Variants in AFF2 observed in about 807,000 individuals in gnomAD.
AFF2 encodes the protein ALF transcription elongation factor 2.
AFF2 carries 14 observed loss-of-function variants against 76.9 expected under a neutral mutation model. That is an observed-to-expected ratio of 0.18 (90% CI 0.12 to 0.28). AFF2 has a LOEUF of 0.28. Among genes scored for constraint, AFF2 ranks in the 10% least tolerant of loss-of-function variants. The pLI, the probability that AFF2 is intolerant of heterozygous loss-of-function variation, is 1.00. For missense variants in AFF2, 868 were observed against 1,001.1 expected, an observed-to-expected ratio of 0.87 and a Z score of 1.79; for synonymous variants, 398 against 366.7, an observed-to-expected ratio of 1.09 and a Z score of -0.98.
At chrX:148,960,529 A>C (rs2072096848) in intron 12 of AFF2, among the ~76,000 whole-genome samples, 1 of 112,617 alleles carries the variant, frequency 8.9e-6, no homozygotes, top group African/African-American at 3.2e-5. Flanking sequence ...CAAACAGATG[A>C]GTTTTCTCTG....
intron 3 of AFF2, among the ~76,000 whole-genome samples, chrX:148,738,242 G>A (rs1557265288): frequency 5.4e-5 from 6 of 110,936 alleles, no homozygotes; most frequent in Non-Finnish European, 3.8e-5. Flanking sequence ...GAATCCGTCT[G>A]GTCCTGGACT....
chrX:148,825,698 G>A (rs368407749), intron 4 of AFF2, among the ~76,000 whole-genome samples: 1 of 100,411 alleles, frequency 1.0e-5, no homozygotes, highest in Non-Finnish European at 2.0e-5. Context: ...GTTGGTTTTT[G>A]TCAGCTGTAT....
chrX:148,719,264 C>T (rs1226984515), intron 3 of AFF2: 17 of 1,063,110 alleles, frequency 1.6e-5, no homozygotes, highest in Non-Finnish European at 2.0e-5. Flanking sequence ...AGAAGGTCTA[C>T]AATCAGCCAA....
intron 16 of AFF2, among the ~76,000 whole-genome samples, chrX:148,976,877 T>C (rs2072332158): frequency 8.9e-6 from 1 of 112,604 alleles, no homozygotes; most frequent in African/African-American, 3.2e-5. Flanking sequence ...CCACGTTAAA[T>C]GTACAAGTGC....
chrX:148,538,262 T>C (rs1232073112), intron 1 of AFF2, among the ~76,000 whole-genome samples: 1 of 112,590 alleles, frequency 8.9e-6, no homozygotes, highest in Non-Finnish European at 1.9e-5. Flanking sequence ...TTCTCAGGTA[T>C]AGGTGAGCAT....
chrX:148,870,079 G>T (rs1329804536), intron 7 of AFF2, among the ~76,000 whole-genome samples: 1 of 110,959 alleles, frequency 9.0e-6, no homozygotes, highest in Non-Finnish European at 1.9e-5. Context: ...TTTCTGAATG[G>T]CAGCAATTTT....
At chrX:148,985,715 C>G (rs1211182821) in intron 19 of AFF2, among the ~76,000 whole-genome samples, 1 of 110,622 alleles carries the variant, frequency 9.0e-6, no homozygotes, top group African/African-American at 3.3e-5. Context: ...CCACTCCTAC[C>G]TTAAGAATAA....
intron 8 of AFF2, among the ~76,000 whole-genome samples, chrX:148,897,588 A>G (rs2071309463): frequency 9.2e-6 from 1 of 108,885 alleles, no homozygotes; most frequent in South Asian, 4.1e-4. Flanking sequence ...AAGATATTTT[A>G]TCAGTATTTC....
intron 3 of AFF2, among the ~76,000 whole-genome samples, chrX:148,757,469 T>C (rs1258035595): frequency 9.0e-6 from 1 of 111,655 alleles, no homozygotes; most frequent in Non-Finnish European, 1.9e-5. Context: ...GCACCGTATA[T>C]ACATATTAAT....
At position 148,572,689 on chromosome X, in the gene AFF2, G is replaced by T. The variant is rs990062266; in HGVS notation, c.47+71545G>T. Among the ~76,000 whole-genome samples, 68 of 111,744 alleles carry T rather than the reference G, an allele frequency of 6.1e-4. 1 individual carries two copies. Among genetic ancestry groups the T allele is most frequent in the African/African-American group, 2.0e-3 (63 of 30,744 alleles). On this transcript the variant is annotated intron_variant, in intron 1 of 20. Transcript: ENST00000370460. ...AGACATAAAAGGTTACATATTATAT[G>T]ATTCAACTTATATAAAATACACATA...
chrX:148,512,451 T>C (rs782728477), intron 1 of AFF2, among the ~76,000 whole-genome samples: 1 of 112,325 alleles, frequency 8.9e-6, no homozygotes, highest in Non-Finnish European at 1.9e-5. Context: ...CATACTTTGG[T>C]AAACAATTGC....
chrX:148,768,057 C>A (rs1419520198), intron 3 of AFF2, among the ~76,000 whole-genome samples: 1 of 107,556 alleles, frequency 9.3e-6, no homozygotes, highest in Admixed American at 1.0e-4. Flanking sequence ...GCTGTCACTT[C>A]TGCTTGGAAT....
chrX:148,714,493 T>C (rs1192585888), intron 3 of AFF2, among the ~76,000 whole-genome samples: 1 of 111,824 alleles, frequency 8.9e-6, no homozygotes, highest in Non-Finnish European at 1.9e-5. Context: ...ATCATGTTTA[T>C]TCTTACTGCT....
chrX:148,680,918 C>G (rs1295409823), intron 3 of AFF2, among the ~76,000 whole-genome samples: 1 of 111,369 alleles, frequency 9.0e-6, no homozygotes, highest in African/African-American at 3.3e-5. Context: ...GGTAAAATCT[C>G]TACCCCCATG....
At position 148,530,593 on chromosome X, in the gene AFF2, C is replaced by CTT. The variant is rs111769731; in HGVS notation, c.47+29458_47+29459dup. On this transcript the variant is annotated intron_variant, in intron 1 of 20. Transcript: ENST00000370460. ...GGTGGCAATTCTTGTAAATTTGCTCCTTTTTTTTTTCTTGCTTGCAATGTC... is the reference window on the plus strand; with the variant it reads ...GGTGGCAATTCTTGTAAATTTGCTCCTTTTTTTTTTTTCTTGCTTGCAATGTC... Among the ~76,000 whole-genome samples, 566 of 103,963 alleles carry CTT rather than the reference C, an allele frequency of 5.4e-3. 2 individuals are homozygous for CTT. Among genetic ancestry groups the CTT allele is most frequent in the African/African-American group, 0.017 (499 of 28,590 alleles). The allele number at this position is 103,963 out of a possible 115,157, so 90.3% of individuals were successfully genotyped here. A position where few individuals can be genotyped will look rare whatever the true frequency, so the allele number is the denominator to read the frequency against.
In AFF2 at chrX:148,581,532, A is replaced by G. The variant is rs781790148; in HGVS notation, c.48-70467A>G. 1.4e-3 allele frequency among the ~76,000 whole-genome samples: 134 copies of G among 93,641 alleles called. 11 individuals carry two copies. Among genetic ancestry groups the G allele is most frequent in the Middle Eastern group, 5.8e-3 (1 of 173 alleles). 81.3% of individuals were successfully genotyped at this position (93,641 alleles called of 115,157 possible). A position where few individuals can be genotyped will look rare whatever the true frequency, so the allele number is the denominator to read the frequency against. On this transcript the variant is annotated intron_variant, in intron 1 of 20. Coordinates refer to ENST00000370460, the MANE Select transcript of AFF2 (RefSeq NM_002025.4). ...CGTATACGTCTACGTGTACACACAT[A>G]TATACGTATACGTCTACGTGTACAC...
intron 3 of AFF2, among the ~76,000 whole-genome samples, chrX:148,677,141 G>A (rs994652008): frequency 6.3e-5 from 7 of 110,607 alleles, no homozygotes; most frequent in Non-Finnish European, 1.3e-4. Context: ...AATTAGATGG[G>A]CCATTGAAAG....
intron 1 of AFF2, among the ~76,000 whole-genome samples, chrX:148,553,938 G>A (rs782023429): frequency 9.0e-6 from 1 of 111,413 alleles, no homozygotes; most frequent in South Asian, 3.8e-4. Context: ...ATGGTTAGAG[G>A]AAGCTTCCTC....
At chrX:148,633,091 G>C (rs1407561894) in intron 1 of AFF2, among the ~76,000 whole-genome samples, 1 of 111,985 alleles carries the variant, frequency 8.9e-6, no homozygotes, top group Admixed American at 9.5e-5. Flanking sequence ...GAATGCAACT[G>C]GATGATACTG....
Sources: gnomAD v4.1 joint callset for allele counts (sites outside exome capture counted in the v4.1 genomes callset) on GRCh38, gnomAD v4.1.1 for gene constraint, MANE v1.5 for transcripts, NCBI Gene and HGNC (gene_info 2026-07-23, HGNC 2026-07-21) for gene names.